SLC25A13: variants seen among roughly 807,000 people sequenced by gnomAD.
SLC25A13 encodes the protein electrogenic aspartate/glutamate antiporter SLC25A13, mitochondrial.
Under a neutral mutation model 85.5 loss-of-function variants are expected in SLC25A13, and 70 were observed. The observed-to-expected ratio is 0.82, with a 90% CI of 0.68 to 1.00. The LOEUF is 1.00. SLC25A13 is among the 50% of genes least tolerant of loss of function. The pLI, the probability that SLC25A13 is intolerant of heterozygous loss-of-function variation, is 0.00. For missense variants in SLC25A13, 765 were observed against 819.8 expected (o/e 0.93, Z 0.82); for synonymous variants, 259 against 288.7 (o/e 0.90, Z 1.04).
At chr7:96,135,217 A>T (rs542745508) in intron 14 of SLC25A13, among the ~76,000 whole-genome samples, 1 of 152,240 alleles carries the variant, frequency 6.6e-6, no homozygotes, top group Admixed American at 6.5e-5. Flanking sequence ...AAAGGACACA[A>T]ATGTGTTCAC....
At chr7:96,208,741 G>T in intron 5 of SLC25A13, 97 bp downstream of exon 5, 1 of 1,379,796 alleles carries the variant, frequency 7.2e-7, no homozygotes, top group East Asian at 2.4e-5. Context: ...TCCTGACCTC[G>T]TCATCCGCCC....
chr7:96,132,593 G>A (rs1171584022), intron 14 of SLC25A13, among the ~76,000 whole-genome samples: 1 of 152,160 alleles, frequency 6.6e-6, no homozygotes, highest in African/African-American at 2.4e-5. Context: ...ATGCCATGCA[G>A]AGGCCCCGCG....
At chr7:96,197,202 G>C (rs1333590615) in intron 5 of SLC25A13, among the ~76,000 whole-genome samples, 1 of 152,128 alleles carries the variant, frequency 6.6e-6, no homozygotes, top group Non-Finnish European at 1.5e-5. Context: ...TTGACACTAA[G>C]AAATCTTAAC....
intron 13 of SLC25A13, among the ~76,000 whole-genome samples, chr7:96,152,193 G>A (rs188526331): frequency 2.9e-4 from 44 of 152,260 alleles, no homozygotes; most frequent in Non-Finnish European, 5.1e-4. Context: ...GCCAACTCAT[G>A]GAAGGTCCAG....
intron 1 of SLC25A13, among the ~76,000 whole-genome samples, chr7:96,314,033 C>A (rs906161015): frequency 6.6e-6 from 1 of 151,554 alleles, no homozygotes; most frequent in Non-Finnish European, 1.5e-5. Context: ...ATATGTCATG[C>A]TGCTAAACAC....
intron 2 of SLC25A13, among the ~76,000 whole-genome samples, chr7:96,287,421 C>T (rs1004146183): frequency 6.6e-6 from 1 of 152,140 alleles, no homozygotes; most frequent in Non-Finnish European, 1.5e-5. Flanking sequence ...GAGTACTTCC[C>T]CATTTATACC....
intron 3 of SLC25A13, among the ~76,000 whole-genome samples, chr7:96,274,343 G>T (rs1798361710): frequency 6.6e-6 from 1 of 152,038 alleles, no homozygotes; most frequent in Non-Finnish European, 1.5e-5. Context: ...TCGCCCACTT[G>T]TTGATGGCGC....
chr7:96,152,692 A>C (rs2116505000), intron 13 of SLC25A13, among the ~76,000 whole-genome samples: 1 of 152,298 alleles, frequency 6.6e-6, no homozygotes, highest in Non-Finnish European at 1.5e-5. Context: ...GGGTTTAGAT[A>C]AGGTGGGAGG....
At chr7:96,272,462 G>C (rs955089808) in intron 3 of SLC25A13, among the ~76,000 whole-genome samples, 2 of 152,172 alleles carry the variant, frequency 1.3e-5, no homozygotes, top group African/African-American at 4.8e-5. Flanking sequence ...GTAACAATAA[G>C]CCAGTGCCCA....
chr7:96,136,478 A>G (rs1792292358), intron 14 of SLC25A13, among the ~76,000 whole-genome samples: 1 of 152,206 alleles, frequency 6.6e-6, no homozygotes, highest in African/African-American at 2.4e-5. Flanking sequence ...CAGGATTTGT[A>G]TCTCTCTTTC....
At chr7:96,177,035 T>A (rs1431276431) in intron 11 of SLC25A13, among the ~76,000 whole-genome samples, 1 of 152,202 alleles carries the variant, frequency 6.6e-6, no homozygotes, top group African/African-American at 2.4e-5. Flanking sequence ...TGAATAAGTG[T>A]ACAAAGAACC....
intron 14 of SLC25A13, among the ~76,000 whole-genome samples, chr7:96,136,627 T>A (rs1022416225): frequency 6.6e-6 from 1 of 152,196 alleles, no homozygotes; most frequent in Admixed American, 6.5e-5. Context: ...AGGATGGTGC[T>A]GATAAAGAAG....
intron 4 of SLC25A13, among the ~76,000 whole-genome samples, chr7:96,212,956 T>C (rs529833241): frequency 1.3e-5 from 2 of 152,218 alleles, no homozygotes; most frequent in Non-Finnish European, 2.9e-5. Context: ...GCCATTCTAA[T>C]TGGAGAAGCC....
intron 4 of SLC25A13, among the ~76,000 whole-genome samples, chr7:96,233,267 T>A (rs749960568): frequency 2.6e-5 from 4 of 152,216 alleles, no homozygotes; most frequent in Non-Finnish European, 5.9e-5. Flanking sequence ...ATTATAACAA[T>A]GTCACCAAAC....
chr7:96,276,144 C>A (rs1015451755), intron 3 of SLC25A13, among the ~76,000 whole-genome samples: 1 of 152,108 alleles, frequency 6.6e-6, no homozygotes, highest in African/African-American at 2.4e-5. Flanking sequence ...CTACAGTTTA[C>A]CTAGAGAAGG....
chr7:96,131,740 C>A lies in SLC25A13; in HGVS notation c.1591+3G>T. The A allele has an allele frequency of 6.2e-7, 1 of 1,613,970 alleles. No individual in the cohort carries two copies. Among genetic ancestry groups the A allele is most frequent in the South Asian group, 1.1e-5 (1 of 91,040 alleles). ...GTAAGAGAACTCCATGGGGGACACT[C>A]ACCAGCTATGGCACCAGCTAAGAGC... On this transcript the variant is annotated splice_donor_region_variant and intron_variant, in intron 15 of 17. Coordinates refer to ENST00000265631, the MANE Select transcript of SLC25A13 (RefSeq NM_014251.3).
rs80338719 is a variant in SLC25A13 at position 96,191,189 on chromosome 7, G to A, written c.674C>T (p.Ser225Leu). The A allele has an allele frequency of 2.6e-5, 42 of 1,613,858 alleles. No individual in the cohort carries two copies. Among genetic ancestry groups the A allele is most frequent in the African/African-American group, 2.7e-5 (2 of 74,874 alleles). ...AATGAGTTCCATGTTGTTAAGGAGC[G>A]AATTAAATCCATTAAAATAGGAGAA... ...VSFSYFNGFN[S>L]LLNNMELIRK... Residue 225 changes from serine (S) to leucine (L), a missense_variant, in exon 7 of 18, where the codon TCG becomes TTG. Transcript: ENST00000265631.
intron 11 of SLC25A13, among the ~76,000 whole-genome samples, chr7:96,175,362 A>C (rs1052487499): frequency 2.0e-5 from 3 of 152,250 alleles, no homozygotes; most frequent in Admixed American, 1.3e-4. Context: ...ATAATAAATA[A>C]CAATATTATT....
intron 2 of SLC25A13, among the ~76,000 whole-genome samples, chr7:96,283,057 G>A (rs999910995): frequency 6.6e-6 from 1 of 152,122 alleles, no homozygotes; most frequent in African/African-American, 2.4e-5. Flanking sequence ...AGTCTACCAA[G>A]GGGAATCACA....
Sources: allele counts gnomAD v4.1 joint callset (sites outside exome capture counted in the v4.1 genomes callset), GRCh38; gene constraint gnomAD v4.1.1; transcripts MANE v1.5; gene names NCBI Gene and HGNC (gene_info 2026-07-23, HGNC 2026-07-21).